RACGAP1: variants seen among roughly 807,000 people sequenced by gnomAD.
RACGAP1 encodes the protein rac GTPase-activating protein 1.
RACGAP1 carries 30 observed loss-of-function variants against 78.1 expected under a neutral mutation model. The ratio of observed to expected loss-of-function variants is 0.38; its 90% CI spans 0.29 to 0.52. The LOEUF (loss-of-function observed/expected upper bound fraction) is 0.52. Among genes scored for constraint, RACGAP1 ranks in the 20% least tolerant of loss-of-function variants. RACGAP1 has a pLI of 0.82. For synonymous variants in RACGAP1, 231 were observed against 264.8 expected, an observed-to-expected ratio of 0.87 and a Z score of 1.24; for missense variants, 587 against 777.1, an observed-to-expected ratio of 0.76 and a Z score of 2.91.
intron 2 of RACGAP1, among the ~76,000 whole-genome samples, chr12:50,016,182 G>A (rs764784687): frequency 6.6e-6 from 1 of 152,096 alleles, no homozygotes; most frequent in Non-Finnish European, 1.5e-5. Context: ...AGAAGTTCAA[G>A]AATAGCCTGT....
intron 2 of RACGAP1, among the ~76,000 whole-genome samples, chr12:50,012,786 G>A (rs538832173): frequency 4.7e-5 from 7 of 147,812 alleles, no homozygotes; most frequent in Non-Finnish European, 7.5e-5. Context: ...AATGAGGGCC[G>A]GGCGCGGTGG....
At chr12:49,998,592 T>C (rs1224696467) in intron 9 of RACGAP1, among the ~76,000 whole-genome samples, 2 of 152,008 alleles carry the variant, frequency 1.3e-5, no homozygotes. Context: ...AATGTAAACA[T>C]GTGTCACTAA....
chr12:49,997,093 A>G lies in RACGAP1; in HGVS notation c.991T>C (p.Cys331Arg). Residue 331 changes from cysteine (C) to arginine (R), a missense_variant, in exon 10 of 17, where the codon TGT (cysteine) becomes CGT (arginine). Physicochemically the swap from Cys to Arg is radical, Grantham distance 180. Coordinates refer to ENST00000312377, the MANE Select transcript of RACGAP1 (RefSeq NM_001319999.2). ...VVSHPECRDR[C>R]PLPCIPTLIG... ...AGGGTAGGAATGCAGGGAAGGGGAC[A>G]GCGGTCCCGACATTCTGGATGAGAG... 1 of 1,606,628 alleles carries G rather than the reference A, an allele frequency of 6.2e-7. No individual in the cohort carries two copies. The highest frequency in any genetic ancestry group is 2.2e-5 in the East Asian group (1 of 44,628).
chr12:50,015,059 A>AT (rs1949582285), intron 2 of RACGAP1, among the ~76,000 whole-genome samples: 1 of 132,970 alleles, frequency 7.5e-6, no homozygotes, highest in South Asian at 2.5e-4. Flanking sequence ...AAAAAAAAAA[A>AT]GAGAGAGATG....
intron 10 of RACGAP1, among the ~76,000 whole-genome samples, chr12:49,995,342 C>T (rs1948186709): frequency 6.8e-6 from 1 of 146,510 alleles, no homozygotes; most frequent in South Asian, 2.1e-4. Flanking sequence ...GAACAAAACT[C>T]CCTCTCAAAA....
At position 49,999,646 on chromosome 12, in the gene RACGAP1, G is replaced by C. The variant is rs763469085; in HGVS notation, c.718C>G (p.Pro240Ala). ...IEAVSTIETVPYWTRSRRKTG... is the reference protein window; with the variant it reads ...IEAVSTIETVAYWTRSRRKTG... ...TTCCTTCGGCTCCTGGTCCAATATG[G>C]CACAGTCTCAATAGTGGACACAGCT... The change falls in exon 8 of 17, where the codon CCA becomes GCA. Residue 240 changes from proline (P) to alanine (A), a missense_variant. By Grantham distance (27) the Pro-to-Ala change is conservative. Transcript: ENST00000312377. 2 of 1,614,038 alleles carry C rather than the reference G, an allele frequency of 1.2e-6. No homozygotes were observed. Among genetic ancestry groups the C allele is most frequent in the Non-Finnish European group, 1.7e-6 (2 of 1,179,922 alleles).
chr12:49,994,918 G>GA (rs916008048), intron 10 of RACGAP1, among the ~76,000 whole-genome samples: 1 of 151,560 alleles, frequency 6.6e-6, no homozygotes, highest in Non-Finnish European at 1.5e-5. Context: ...TGGAACAAGA[G>GA]AAAAAAATTG....
intron 1 of RACGAP1, among the ~76,000 whole-genome samples, chr12:50,017,925 G>A (rs968249062): frequency 6.6e-6 from 1 of 152,222 alleles, no homozygotes; most frequent in African/African-American, 2.4e-5. Context: ...GGGAGGCCCA[G>A]GCGGGCGGAT....
Position 50,002,269 on chromosome 12 carries a change from T to G in RACGAP1, c.527A>C (p.Lys176Thr). The stretch of plus-strand genomic sequence containing the variant: ...TACCCTCTTTTCTCTCTTCTTCAGT[T>G]TGAAAGTCTTCACCAAAGAAGAGTC... Reference protein sequence around the residue: ...DWDSSLVKTFKLKKREKRRST... With the variant: ...DWDSSLVKTFTLKKREKRRST... Residue 176 changes from lysine (K) to threonine (T), a missense_variant, in exon 6 of 17, where the codon AAA becomes ACA. Coordinates refer to ENST00000312377, the MANE Select transcript of RACGAP1 (RefSeq NM_001319999.2). 6.2e-7 allele frequency: 1 copy of G among 1,613,646 alleles called. No homozygotes were observed. Among genetic ancestry groups the G allele is most frequent in the Non-Finnish European group, 8.5e-7 (1 of 1,179,716 alleles).
chr12:50,014,119 T>A (rs1949512152), intron 2 of RACGAP1, among the ~76,000 whole-genome samples: 1 of 152,154 alleles, frequency 6.6e-6, no homozygotes, highest in African/African-American at 2.4e-5. Context: ...TTGAATGGCA[T>A]AAGCAAGATA....
chr12:49,992,359 A>G lies in RACGAP1; in HGVS notation c.1464T>C (p.His488=), dbSNP rs143026190. The part of the protein sequence containing the change: ...IHLQRVAQSP[H]TKMDVANLAK... ...CCAGATTGGCAACATCCATTTTAGT[A>G]TGTGGACTCTGAGCCACTCTAAGCA... Residue 488 remains histidine, a synonymous_variant, in exon 14 of 17, where the codon CAT becomes CAC. Coordinates refer to ENST00000312377, the MANE Select transcript of RACGAP1 (RefSeq NM_001319999.2). The G allele has an allele frequency of 7.7e-5, 124 of 1,614,070 alleles. No individual in the cohort carries two copies. Among genetic ancestry groups the G allele is most frequent in the Non-Finnish European group, 1.0e-4 (121 of 1,180,016 alleles).
Position 50,006,598 on chromosome 12 carries a change from T to C in RACGAP1, c.124A>G (p.Lys42Glu), listed in dbSNP as rs746642329. ...TCATGGTCAGTCCTCTGCCACTTTT[T>C]ACGGAAATCCTCAAAGTCCTTCGCC... ...QLAKDFEDFR[K>E]KWQRTDHELG... Residue 42 changes from lysine to glutamate, a missense_variant, in exon 3 of 17, where the codon AAA becomes GAA. By Grantham distance (56) the Lys-to-Glu change is moderately conservative. Coordinates refer to ENST00000312377, the MANE Select transcript of RACGAP1 (RefSeq NM_001319999.2). 9 of 1,614,176 alleles carry C rather than the reference T, an allele frequency of 5.6e-6. No individual in the cohort carries two copies. Among genetic ancestry groups the C allele is most frequent in the Non-Finnish European group, 7.6e-6 (9 of 1,180,022 alleles).
chr12:50,026,349 TAAA>T (rs59207359), upstream of RACGAP1, among the ~76,000 whole-genome samples: 1 of 142,506 alleles, frequency 7.0e-6, no homozygotes, highest in African/African-American at 2.6e-5. Flanking sequence ...GTCCTTAATT[TAAA>T]AAAAAAAAAA....
At chr12:49,992,196 G>C (rs775274033) in intron 14 of RACGAP1, 49 bp downstream of exon 14, 2 of 1,612,388 alleles carry the variant, frequency 1.2e-6, no homozygotes, top group Non-Finnish European at 1.7e-6. Context: ...TGTCTTTCAA[G>C]TTATCACATT....
chr12:50,024,524 G>A (rs1175610976), intron 1 of RACGAP1, among the ~76,000 whole-genome samples: 1 of 152,134 alleles, frequency 6.6e-6, no homozygotes, highest in African/African-American at 2.4e-5. Context: ...GGTGGAGGGG[G>A]CTGAGGGTTG....
chr12:50,014,689 T>A (rs966274088), intron 2 of RACGAP1, among the ~76,000 whole-genome samples: 4 of 152,108 alleles, frequency 2.6e-5, no homozygotes, highest in African/African-American at 9.7e-5. Context: ...CCCAGGTAGC[T>A]GGGATCACAG....
At chr12:50,016,320 T>C (rs1949677296) in intron 2 of RACGAP1, among the ~76,000 whole-genome samples, 1 of 151,994 alleles carries the variant, frequency 6.6e-6, no homozygotes, top group Admixed American at 6.6e-5. Context: ...GAGCAGAGGT[T>C]GCAGTGAGCC....
At chr12:50,006,315 T>A (rs775191011) in intron 3 of RACGAP1, 119 bp downstream of exon 3, 17 of 1,059,846 alleles carry the variant, frequency 1.6e-5, no homozygotes, top group Non-Finnish European at 2.4e-5. Context: ...AAAGAACAGG[T>A]CACTTTCAGT....
At chr12:49,998,285 T>A (rs1181818402) in intron 9 of RACGAP1, among the ~76,000 whole-genome samples, 1 of 151,996 alleles carries the variant, frequency 6.6e-6, no homozygotes, top group Non-Finnish European at 1.5e-5. Flanking sequence ...GCACCTGTAA[T>A]CCCAGCTACT....
Sources: allele counts gnomAD v4.1 joint callset (sites outside exome capture counted in the v4.1 genomes callset), GRCh38; gene constraint gnomAD v4.1.1; transcripts MANE v1.5; gene names NCBI Gene and HGNC (gene_info 2026-07-23, HGNC 2026-07-21).